Variants in RAD54L2 observed in about 807,000 individuals in gnomAD.
RAD54L2 encodes RAD54 like 2, also known as helicase ARIP4.
In RAD54L2, 27 loss-of-function variants were observed where a neutral mutation model predicts 138.4. The ratio of observed to expected loss-of-function variants is 0.20; its 90% CI spans 0.14 to 0.27. The LOEUF (loss-of-function observed/expected upper bound fraction) is 0.27. RAD54L2 is among the 10% of genes least tolerant of loss of function. The pLI, the probability that RAD54L2 is intolerant of heterozygous loss-of-function variation, is 1.00. For missense variants in RAD54L2, 1,396 were observed against 1,890.2 expected, an observed-to-expected ratio of 0.74 and a Z score of 4.85; for synonymous variants, 644 against 723.2, an observed-to-expected ratio of 0.89 and a Z score of 1.76.
intron 22 of RAD54L2, 129 bp downstream of exon 22, chr3:51,660,247 G>A (rs1701727993): frequency 1.6e-6 from 1 of 634,896 alleles, no homozygotes; most frequent in African/African-American, 1.8e-5. Context: ...TACAGAAAGA[G>A]GTAAAGTGAA....
intron 3 of RAD54L2, among the ~76,000 whole-genome samples, chr3:51,607,751 CG>C (rs1700224432): frequency 6.8e-6 from 1 of 147,212 alleles, no homozygotes; most frequent in Non-Finnish European, 1.5e-5. Context: ...ACTTCCCAGA[CG>C]GGGTGGCCGG....
intron 21 of RAD54L2, among the ~76,000 whole-genome samples, chr3:51,659,109 T>TC: frequency 7.0e-6 from 1 of 141,950 alleles, no homozygotes; most frequent in Admixed American, 6.9e-5. Flanking sequence ...TTTTTTTTTT[T>TC]TTTTTTTTTT....
At chr3:51,559,853 A>G (rs1699058281) in intron 2 of RAD54L2, among the ~76,000 whole-genome samples, 1 of 152,250 alleles carries the variant, frequency 6.6e-6, no homozygotes, top group Non-Finnish European at 1.5e-5. Flanking sequence ...AGTACTGGGC[A>G]GTTTCAGCTA....
At position 51,626,174 on chromosome 3, in the gene RAD54L2, G is replaced by GTTCTGGCATT. The variant is rs1700675490; in HGVS notation, c.140-1377_140-1368dup. ...AAATGGCATTGTCTAGAGCACCTCA[G>GTTCTGGCATT]TTCTGGCATTTATATTCTAGTTCTG... is the stretch of plus-strand genomic sequence containing the variant. On this transcript the variant is annotated intron_variant, in intron 3 of 22. Transcript: ENST00000684192. 2.0e-5 allele frequency among the ~76,000 whole-genome samples: 3 copies of GTTCTGGCATT among 152,128 alleles called. No homozygotes were observed. The South Asian group carries it at 6.2e-4, about 32-fold the overall frequency.
chr3:51,597,463 G>A (rs1163885403), intron 3 of RAD54L2, among the ~76,000 whole-genome samples: 2 of 152,000 alleles, frequency 1.3e-5, no homozygotes, highest in African/African-American at 4.8e-5. Context: ...AACTGGTAAG[G>A]AATTTAAATG....
intron 3 of RAD54L2, among the ~76,000 whole-genome samples, chr3:51,617,933 A>T (rs1700484748): frequency 6.6e-6 from 1 of 152,004 alleles, no homozygotes; most frequent in South Asian, 2.1e-4. Context: ...AATAATGTAT[A>T]TTTAATACAT....
chr3:51,646,930 A>G (rs1365243144), intron 19 of RAD54L2, among the ~76,000 whole-genome samples: 1 of 152,184 alleles, frequency 6.6e-6, no homozygotes, highest in African/African-American at 2.4e-5. Flanking sequence ...TCTGGAACCA[A>G]AAAATCTCTT....
chr3:51,604,054 A>T (rs1700129769), intron 3 of RAD54L2, among the ~76,000 whole-genome samples: 1 of 152,178 alleles, frequency 6.6e-6, no homozygotes, highest in African/African-American at 2.4e-5. Context: ...AGCTTGGTGG[A>T]GGTGGTGAAA....
At chr3:51,592,638 G>A (rs1051422864) in intron 3 of RAD54L2, among the ~76,000 whole-genome samples, 2 of 150,198 alleles carry the variant, frequency 1.3e-5, no homozygotes, top group Non-Finnish European at 3.0e-5. Context: ...GCAATGGCGC[G>A]ATCTCGGCTC....
intron 15 of RAD54L2, among the ~76,000 whole-genome samples, chr3:51,643,224 G>A (rs372798044): frequency 2.0e-5 from 3 of 152,018 alleles, no homozygotes; most frequent in African/African-American, 4.8e-5. Context: ...TAGTAGAGAC[G>A]GGGTTTCACC....
At chr3:51,555,094 C>T (rs936289155) in intron 2 of RAD54L2, among the ~76,000 whole-genome samples, 6 of 152,120 alleles carry the variant, frequency 3.9e-5, no homozygotes, top group Admixed American at 1.3e-4. Flanking sequence ...CCGCCCACAT[C>T]GGCCTCCCAA....
chr3:51,595,031 A>G (rs1217672123), intron 3 of RAD54L2, among the ~76,000 whole-genome samples: 1 of 151,458 alleles, frequency 6.6e-6, no homozygotes, highest in Non-Finnish European at 1.5e-5. Flanking sequence ...CATCCTGCTG[A>G]TTTTTTGTAT....
chr3:51,655,489 AAAGTTGG>A (rs1701575061), intron 19 of RAD54L2, among the ~76,000 whole-genome samples: 1 of 152,230 alleles, frequency 6.6e-6, no homozygotes, highest in Admixed American at 6.5e-5. Flanking sequence ...AAAGATGTTT[AAAGTTGG>A]AACAGACTAT....
intron 2 of RAD54L2, among the ~76,000 whole-genome samples, chr3:51,562,441 G>A (rs1164606570): frequency 6.6e-6 from 1 of 152,092 alleles, no homozygotes; most frequent in African/African-American, 2.4e-5. Flanking sequence ...TGTTGGCCAG[G>A]CTGGTTTTGA....
intron 3 of RAD54L2, among the ~76,000 whole-genome samples, chr3:51,604,427 G>T (rs1247316011): frequency 6.6e-6 from 1 of 152,114 alleles, no homozygotes; most frequent in Non-Finnish European, 1.5e-5. Flanking sequence ...TACATGTGTG[G>T]ATCTGAACTC....
chr3:51,666,362 T>C lies in RAD54L2; in HGVS notation c.*2942T>C, dbSNP rs1208709950. Reference sequence around the variant, plus strand: ...GAACCATGTTTTATAGTTTCTTTGATCATAAACACTTGGTGGTGTCTTCCA... The same window carrying C: ...GAACCATGTTTTATAGTTTCTTTGACCATAAACACTTGGTGGTGTCTTCCA... On this transcript the variant is annotated 3_prime_UTR_variant, in exon 23 of 23. Transcript: ENST00000684192. The C allele has an allele frequency of 6.6e-6, 1 of 151,994 alleles. No homozygotes were observed. Among genetic ancestry groups the C allele is most frequent in the Non-Finnish European group, 1.5e-5 (1 of 67,994 alleles). The allele number at this position is 151,994 out of a possible 1,614,324, so 9.4% of individuals were successfully genotyped here. A position where few individuals can be genotyped will look rare whatever the true frequency, so the allele number is the denominator to read the frequency against.
chr3:51,638,589 A>T lies in RAD54L2; in HGVS notation c.1860+268A>T. The T allele has an allele frequency of 2.7e-6, 1 of 367,180 alleles. No homozygotes were observed. 22.7% of individuals were successfully genotyped at this position (367,180 alleles called of 1,614,324 possible). ...CTGCACAACTTGTTATTCCAAGGGG[A>T]TTAATGGAAAAATACTGTGGGGCAG... is the stretch of plus-strand genomic sequence containing the variant. On this transcript the variant is annotated intron_variant, in intron 12 of 22. Transcript: ENST00000684192. This position sits in a 1 kb window ranked among gnomAD's most constrained non-coding sequence, Gnocchi z 4.3.
intron 3 of RAD54L2, among the ~76,000 whole-genome samples, chr3:51,593,274 A>G (rs1367730058): frequency 6.6e-6 from 1 of 152,084 alleles, no homozygotes; most frequent in Admixed American, 6.6e-5. Flanking sequence ...CCAAATGTCA[A>G]TAGTACTGAG....
intron 3 of RAD54L2, among the ~76,000 whole-genome samples, chr3:51,606,799 C>G (rs888906614): frequency 6.6e-6 from 1 of 151,944 alleles, no homozygotes; most frequent in South Asian, 2.1e-4. Flanking sequence ...TCTCTGGCCT[C>G]ACCCTCCCAA....
Sources: allele counts gnomAD v4.1 joint callset (sites outside exome capture counted in the v4.1 genomes callset), GRCh38; gene constraint gnomAD v4.1.1; non-coding constraint Gnocchi (gnomAD v3.1); transcripts MANE v1.5; gene names NCBI Gene and HGNC (gene_info 2026-07-23, HGNC 2026-07-21).